The following TTC7B variants were observed in gnomAD, a reference collection of about 807,000 sequenced individuals.
TTC7B encodes tetratricopeptide repeat protein 7B.
Under a neutral mutation model 106.8 loss-of-function variants are expected in TTC7B, and 28 were observed. That is an observed-to-expected ratio of 0.26 (90% CI 0.19 to 0.36). The LOEUF is 0.36. Among genes scored for constraint, TTC7B ranks in the 10% least tolerant of loss-of-function variants. The pLI is 1.00. For missense variants in TTC7B, 862 were observed against 1,076.4 expected (o/e 0.80, Z 2.79); for synonymous variants, 405 against 430.6 (o/e 0.94, Z 0.74).
In TTC7B at chr14:90,577,257, G is replaced by C. The variant is rs1236725608; in HGVS notation, c.2310+849C>G. On this transcript the variant is annotated intron_variant, in intron 19 of 19. Coordinates refer to ENST00000328459, the MANE Select transcript of TTC7B (RefSeq NM_001010854.2). The surrounding 1 kb of genome is among the most constrained non-coding windows in gnomAD (Gnocchi z 5.0). ...GGGAACGTGGCACGGCTTTTCACAA[G>C]CTCCTCAGACCCTGGTAACTTGTGA... Among the ~76,000 whole-genome samples, 1 of 152,246 alleles carries C rather than the reference G, an allele frequency of 6.6e-6. No individual in the cohort carries two copies. The highest frequency in any genetic ancestry group is 1.5e-5 in the Non-Finnish European group (1 of 68,044).
Position 90,529,798 on chromosome 14 carries a change from G to T in TTC7B, c.*11570C>A, listed in dbSNP as rs1889239991. The T allele has an allele frequency of 6.6e-6, 1 of 152,210 alleles. No individual in the cohort carries two copies. Among genetic ancestry groups the T allele is most frequent in the Non-Finnish European group, 1.5e-5 (1 of 68,042 alleles). The allele number at this position is 152,210 out of a possible 1,614,324, so 9.4% of individuals were successfully genotyped here. On this transcript the variant is annotated 3_prime_UTR_variant, in exon 20 of 20. Coordinates refer to ENST00000328459, the MANE Select transcript of TTC7B (RefSeq NM_001010854.2). ...ATTCCATTGTATGTGGCATGACAAT[G>T]TGAAACCACTTAAATCATTGACAAT...
intron 1 of TTC7B, among the ~76,000 whole-genome samples, chr14:90,801,058 C>A (rs562965267): frequency 4.8e-4 from 68 of 141,268 alleles, no homozygotes; most frequent in Non-Finnish European, 7.3e-4. Context: ...GACCTTGTCT[C>A]TATACAAATT....
intron 19 of TTC7B, among the ~76,000 whole-genome samples, chr14:90,567,939 A>T (rs896028873): frequency 2.1e-4 from 32 of 152,112 alleles, no homozygotes; most frequent in African/African-American, 7.5e-4. Context: ...GGGCTCAGTG[A>T]TTTAAACTCG....
At chr14:90,680,327 C>A in intron 8 of TTC7B, 145 bp downstream of exon 8, 1 of 612,164 alleles carries the variant, frequency 1.6e-6, no homozygotes, top group Non-Finnish European at 2.9e-6. Flanking sequence ...CTTTTTAAAC[C>A]TCTACTGTTT....
intron 15 of TTC7B, among the ~76,000 whole-genome samples, chr14:90,628,073 G>A (rs1414643590): frequency 6.6e-6 from 1 of 152,248 alleles, no homozygotes; most frequent in Non-Finnish European, 1.5e-5. Flanking sequence ...CTGAGCGCAT[G>A]GTGTTAGGGC....
rs2058990551 is a variant in TTC7B at position 90,644,241 on chromosome 14, AT to A, written c.1591-34del. The A allele has an allele frequency of 4.0e-5, 11 of 277,072 alleles. No homozygotes were observed. In the Admixed American group the frequency reaches 1.1e-3, roughly 28 times the overall value. The allele number at this position is 277,072 out of a possible 1,614,324, so 17.2% of individuals were successfully genotyped here. ...AAAACAAAACCAAAAAAGGTTTTAC[AT>A]ACACACATGCACACGCACACACACA... On this transcript the variant is annotated intron_variant, in intron 14 of 19. Transcript: ENST00000328459.
At chr14:90,736,161 T>C (rs1385821105) in intron 4 of TTC7B, among the ~76,000 whole-genome samples, 2 of 152,104 alleles carry the variant, frequency 1.3e-5, no homozygotes. Context: ...TATATATATA[T>C]ATATATACCA....
At chr14:90,774,959 C>G (rs1418658636) in intron 3 of TTC7B, among the ~76,000 whole-genome samples, 2 of 152,012 alleles carry the variant, frequency 1.3e-5, no homozygotes, top group Non-Finnish European at 2.9e-5. Context: ...AGGAGAATCA[C>G]TTGAACGCGG....
At chr14:90,645,399 C>T (rs3742662) in intron 14 of TTC7B, among the ~76,000 whole-genome samples, 8,873 of 152,168 alleles carry the variant, frequency 0.058, 336 homozygotes, top group African/African-American at 0.1. Flanking sequence ...GCTGAAGTCC[C>T]GGGAGGTGAA....
chr14:90,595,059 C>T (rs953643617), intron 17 of TTC7B, among the ~76,000 whole-genome samples: 7 of 152,190 alleles, frequency 4.6e-5, no homozygotes, highest in Non-Finnish European at 8.8e-5. Context: ...AGTGGCCGGG[C>T]GCGGTGGCTC....
At chr14:90,798,091 C>A (rs748473730) in intron 1 of TTC7B, among the ~76,000 whole-genome samples, 1 of 152,162 alleles carries the variant, frequency 6.6e-6, no homozygotes, top group African/African-American at 2.4e-5. Flanking sequence ...CTTTTTCCCT[C>A]TTGCTTCTCT....
intron 1 of TTC7B, among the ~76,000 whole-genome samples, chr14:90,795,378 A>C (rs1891741032): frequency 6.6e-6 from 1 of 152,226 alleles, no homozygotes; most frequent in Non-Finnish European, 1.5e-5. Flanking sequence ...AATTGTGCGC[A>C]GGAAAGGCTT....
At chr14:90,685,249 A>C (rs1334041611) in intron 7 of TTC7B, among the ~76,000 whole-genome samples, 1 of 152,222 alleles carries the variant, frequency 6.6e-6, no homozygotes, top group Non-Finnish European at 1.5e-5. Flanking sequence ...GGAGACTGTT[A>C]GCCAAAATGA....
intron 13 of TTC7B, among the ~76,000 whole-genome samples, chr14:90,649,138 T>C (rs889838640): frequency 2.0e-5 from 3 of 152,218 alleles, no homozygotes; most frequent in African/African-American, 7.2e-5. Flanking sequence ...ATTTCTGGAG[T>C]GCATTAGGGC....
At position 90,806,328 on chromosome 14, in the gene TTC7B, G is replaced by A. The variant is rs117371100; in HGVS notation, c.121+9847C>T. Reference sequence around the variant, plus strand: ...TGAAGCCCGTGTTCTGCACTGCCTCGTTCTGTGACCCAGCCAACACCGCGC... The same window carrying A: ...TGAAGCCCGTGTTCTGCACTGCCTCATTCTGTGACCCAGCCAACACCGCGC... On this transcript the variant is annotated intron_variant, in intron 1 of 19. Coordinates refer to ENST00000328459, the MANE Select transcript of TTC7B (RefSeq NM_001010854.2). 8.5e-4 allele frequency among the ~76,000 whole-genome samples: 129 copies of A among 152,280 alleles called. No homozygotes were observed. In the East Asian group the frequency reaches 0.016, roughly 19 times the overall value.
At chr14:90,677,055 T>C (rs561671526) in intron 8 of TTC7B, among the ~76,000 whole-genome samples, 14 of 152,336 alleles carry the variant, frequency 9.2e-5, no homozygotes, top group African/African-American at 2.9e-4. Flanking sequence ...TCGTGAATCC[T>C]GCTTCTGCTC....
At chr14:90,697,599 C>G (rs1300622050) in intron 5 of TTC7B, 1 of 152,186 alleles carries the variant, frequency 6.6e-6, no homozygotes, top group East Asian at 1.9e-4. Flanking sequence ...TAATAAGATA[C>G]TCATTACTGG....
chr14:90,580,636 GT>G (rs768028878), intron 18 of TTC7B, among the ~76,000 whole-genome samples: 13 of 152,224 alleles, frequency 8.5e-5, no homozygotes, highest in Non-Finnish European at 1.8e-4. Context: ...CACAGTGGGT[GT>G]CCCTGTCTCC....
chr14:90,580,326 G>C (rs1891436348), intron 18 of TTC7B, among the ~76,000 whole-genome samples: 1 of 152,200 alleles, frequency 6.6e-6, no homozygotes, highest in African/African-American at 2.4e-5. Flanking sequence ...TATCTACATG[G>C]TGATCCAGTA....
Sources: gnomAD v4.1 joint callset for allele counts (sites outside exome capture counted in the v4.1 genomes callset) on GRCh38, gnomAD v4.1.1 for gene constraint, Gnocchi (gnomAD v3.1) non-coding constraint, MANE v1.5 for transcripts, NCBI Gene and HGNC (gene_info 2026-07-23, HGNC 2026-07-21) for gene names.